The following RNF130 variants were observed in gnomAD, a reference collection of about 807,000 sequenced individuals.
RNF130 encodes the protein E3 ubiquitin-protein ligase RNF130.
Under a neutral mutation model 44.6 loss-of-function variants are expected in RNF130, and 21 were observed. The ratio of observed to expected loss-of-function variants is 0.47; its 90% confidence interval spans 0.33 to 0.68. The LOEUF is 0.68. RNF130 is among the 30% of genes least tolerant of loss of function. RNF130 has a pLI of 0.02. For synonymous variants in RNF130, 214 were observed against 210.4 expected (o/e 1.02, Z -0.15); for missense variants, 479 against 560.6 (o/e 0.85, Z 1.47).
intron 7 of RNF130, among the ~76,000 whole-genome samples, chr5:179,965,309 G>A (rs1286535292): frequency 2.6e-5 from 4 of 152,246 alleles, no homozygotes; most frequent in African/African-American, 9.6e-5. Flanking sequence ...GCCAGCGGGA[G>A]GCACTGTGGT....
chr5:180,007,988 G>GT (rs371751598), intron 3 of RNF130, among the ~76,000 whole-genome samples: 67,540 of 129,790 alleles, frequency 0.52, 18,323 homozygotes, highest in South Asian at 0.71. Context: ...AAATCTTTTA[G>GT]TTTTTTTTTT....
intron 3 of RNF130, among the ~76,000 whole-genome samples, chr5:180,006,967 A>G (rs1763474542): frequency 6.6e-6 from 1 of 152,220 alleles, no homozygotes; most frequent in Non-Finnish European, 1.5e-5. Context: ...TTAGTCATGA[A>G]CTGAAAAGCC....
chr5:180,032,421 G>A (rs1046324837), intron 2 of RNF130, among the ~76,000 whole-genome samples: 2 of 151,948 alleles, frequency 1.3e-5, no homozygotes, highest in Non-Finnish European at 2.9e-5. Flanking sequence ...GCTCACCTTA[G>A]AGTGCAGTGG....
intron 3 of RNF130, among the ~76,000 whole-genome samples, chr5:180,003,710 T>C (rs1763398994): frequency 6.6e-6 from 1 of 152,186 alleles, no homozygotes. Context: ...TTTTTCATTC[T>C]AAGTCTATTT....
At chr5:179,951,577 G>T (rs1333711854), downstream of RNF130, among the ~76,000 whole-genome samples, 1 of 152,084 alleles carries the variant, frequency 6.6e-6, no homozygotes, top group Non-Finnish European at 1.5e-5. Flanking sequence ...TAGAGACGGG[G>T]TTTCACCGTG....
intron 3 of RNF130, among the ~76,000 whole-genome samples, chr5:179,989,335 G>C (rs549043966): frequency 2.0e-5 from 3 of 152,092 alleles, no homozygotes; most frequent in Non-Finnish European, 4.4e-5. Flanking sequence ...CAGCCAAATC[G>C]TATCAGCCGG....
At chr5:179,971,671 G>C (rs980440095) in intron 5 of RNF130, among the ~76,000 whole-genome samples, 1 of 152,150 alleles carries the variant, frequency 6.6e-6, no homozygotes, top group Non-Finnish European at 1.5e-5. Flanking sequence ...ACCCGGCCAA[G>C]ATAAAAGAAA....
At chr5:180,055,263 A>AC (rs1764783324) in intron 1 of RNF130, among the ~76,000 whole-genome samples, 1 of 27,604 alleles carries the variant, frequency 3.6e-5, no homozygotes, top group African/African-American at 8.9e-5. Flanking sequence ...AAAAAAAAAA[A>AC]AAAAAAAAAA....
chr5:180,071,759 G>C lies in RNF130; in HGVS notation c.-57C>G, dbSNP rs887847261. The C allele has an allele frequency of 5.9e-6, 6 of 1,022,732 alleles. No homozygotes were observed. In the African/African-American group the frequency reaches 1.0e-4, roughly 18 times the overall value. The allele number at this position is 1,022,732 out of a possible 1,614,324, so 63.4% of individuals were successfully genotyped here. The stretch of plus-strand genomic sequence containing the variant: ...CCGGGCTCCGGGGCCGGCGCCTAGA[G>C]GCGGGGCGGGCGCGGCCCGGGCGGC... On this transcript the variant is annotated 5_prime_UTR_variant, in exon 1 of 9. Coordinates refer to ENST00000521389, the MANE Select transcript of RNF130 (RefSeq NM_018434.6).
chr5:179,936,718 G>A (rs982935844), intron 7 of RNF130, among the ~76,000 whole-genome samples: 1 of 152,108 alleles, frequency 6.6e-6, no homozygotes, highest in Admixed American at 6.5e-5. Flanking sequence ...CCAATTCTAA[G>A]ACTACTATAA....
intron 6 of RNF130, among the ~76,000 whole-genome samples, chr5:179,968,913 C>T (rs1422247527): frequency 2.0e-5 from 3 of 152,176 alleles, no homozygotes; most frequent in African/African-American, 4.8e-5. Flanking sequence ...CATGGTGTCA[C>T]TAATGCCCGA....
chr5:180,016,816 T>C (rs919466750), intron 2 of RNF130, among the ~76,000 whole-genome samples: 3 of 152,236 alleles, frequency 2.0e-5, no homozygotes, highest in Non-Finnish European at 4.4e-5. Context: ...CCTTTCTATA[T>C]GTATTTATTT....
intron 8 of RNF130, among the ~76,000 whole-genome samples, chr5:179,963,244 G>C (rs1243711482): frequency 1.3e-5 from 2 of 152,210 alleles, no homozygotes; most frequent in Non-Finnish European, 2.9e-5. Flanking sequence ...GAAAACCTCT[G>C]GATCTTTTCT....
chr5:179,946,414 G>A (rs1432396308), intron 7 of RNF130, among the ~76,000 whole-genome samples: 1 of 152,206 alleles, frequency 6.6e-6, no homozygotes, highest in African/African-American at 2.4e-5. Context: ...CAAGACAATG[G>A]ACATTTCCCT....
chr5:180,035,568 A>G (rs1327370173), intron 2 of RNF130, among the ~76,000 whole-genome samples: 1 of 152,216 alleles, frequency 6.6e-6, no homozygotes, highest in South Asian at 2.1e-4. Context: ...TTTTCTATCT[A>G]GCTATTCTAT....
chr5:180,007,304 G>A (rs573391114), intron 3 of RNF130, among the ~76,000 whole-genome samples: 117 of 152,294 alleles, frequency 7.7e-4, no homozygotes, highest in Middle Eastern at 3.4e-3. Context: ...GTGAGGCTGA[G>A]GCAGGAGAAT....
intron 2 of RNF130, among the ~76,000 whole-genome samples, chr5:180,019,107 G>C (rs184319777): frequency 6.6e-6 from 1 of 152,174 alleles, no homozygotes; most frequent in African/African-American, 2.4e-5. Flanking sequence ...CTTTGAGGCC[G>C]GGCGGGGTGG....
chr5:179,939,952 C>CTT (rs34848443), intron 7 of RNF130: 179 of 191,408 alleles, frequency 9.4e-4, no homozygotes, highest in Middle Eastern at 2.5e-3. Context: ...ATAAACGTCC[C>CTT]TTTTTTTTTT....
rs1300986612 is a variant in RNF130, at chr5:180,009,837, T to C, written c.693+3224A>G. On this transcript the variant is annotated intron_variant, in intron 3 of 8. Transcript: ENST00000521389. ...TGCTTTATTTGTAATAGCCAAAATCTGAAAACATCCCAGATATCCTTCAAT... is the reference window on the plus strand; with the variant it reads ...TGCTTTATTTGTAATAGCCAAAATCCGAAAACATCCCAGATATCCTTCAAT... Among the ~76,000 whole-genome samples, 6 of 152,302 alleles carry C rather than the reference T, an allele frequency of 3.9e-5. No individual in the cohort carries two copies. In the South Asian group the frequency reaches 8.3e-4, roughly 21 times the overall value.
Sources: allele counts gnomAD v4.1 joint callset (sites outside exome capture counted in the v4.1 genomes callset), GRCh38; gene constraint gnomAD v4.1.1; transcripts MANE v1.5; gene names NCBI Gene and HGNC (gene_info 2026-07-23, HGNC 2026-07-21).